Variants in MYO9B observed in about 807,000 individuals in gnomAD.
MYO9B encodes unconventional myosin-IXb.
MYO9B carries 71 observed loss-of-function variants against 229.5 expected under a neutral mutation model. The ratio of observed to expected loss-of-function variants is 0.31; its 90% CI spans 0.26 to 0.38. The LOEUF is 0.38. Among genes scored for constraint, MYO9B ranks in the 10% least tolerant of loss-of-function variants. MYO9B has a pLI of 1.00. For synonymous variants in MYO9B, 1,185 were observed against 1,235.8 expected, an observed-to-expected ratio of 0.96 and a Z score of 0.86; for missense variants, 2,255 against 2,920.5, an observed-to-expected ratio of 0.77 and a Z score of 5.25.
chr19:17,129,969 C>G (rs994335905), intron 2 of MYO9B, among the ~76,000 whole-genome samples: 1 of 152,106 alleles, frequency 6.6e-6, no homozygotes, highest in African/African-American at 2.4e-5. Flanking sequence ...GTGTGTACCA[C>G]CAGACCTGGT....
rs1339609681 is a variant in MYO9B at position 17,089,611 on chromosome 19, G to GT, written c.-58-12041dup. Reference sequence around the variant, plus strand: ...CCACTGACCCCCACCCCCAGGGCCTGTTTTTTTTCGTTGTCATGCCTTTCC... The same window carrying GT: ...CCACTGACCCCCACCCCCAGGGCCTGTTTTTTTTTCGTTGTCATGCCTTTCC... On this transcript the variant is annotated intron_variant, in intron 1 of 39. Transcript: ENST00000682292. 1.1e-4 allele frequency among the ~76,000 whole-genome samples: 16 copies of GT among 151,686 alleles called. 1 individual carries two copies. Among genetic ancestry groups the GT allele is most frequent in the Non-Finnish European group, 1.5e-5 (1 of 67,922 alleles).
In MYO9B at chr19:17,194,700, G is replaced by T; in HGVS notation, c.3273G>T (p.Ala1091=). Residue 1091 remains alanine (A), a synonymous_variant, in exon 22 of 40, where the codon GCG becomes GCT. Transcript: ENST00000682292. The stretch of plus-strand genomic sequence containing the variant: ...TAGCTGAGCAGGGGCCGGAGCCAGC[G>T]GAGGATGGCGGGCACCTGGCATCGG... ...QQVAEQGPEP[A]EDGGHLASEP... 6.2e-7 allele frequency: 1 copy of T among 1,612,904 alleles called. No homozygotes were observed. The highest frequency in any genetic ancestry group is 8.5e-7 in the Non-Finnish European group (1 of 1,179,882).
rs368346672 is a variant in MYO9B at position 17,194,704 on chromosome 19, G to A, written c.3277G>A (p.Asp1093Asn). Reference protein sequence around the residue: ...VAEQGPEPAEDGGHLASEPEV... With the variant: ...VAEQGPEPAENGGHLASEPEV... The stretch of plus-strand genomic sequence containing the variant: ...TGAGCAGGGGCCGGAGCCAGCGGAG[G>A]ATGGCGGGCACCTGGCATCGGAGCC... The change falls in exon 22 of 40, where the codon GAT becomes AAT. Residue 1093 changes from aspartate (D) to asparagine (N), a missense_variant. Coordinates refer to ENST00000682292, the MANE Select transcript of MYO9B (RefSeq NM_004145.4). 17 of 1,612,926 alleles carry A rather than the reference G, an allele frequency of 1.1e-5. No homozygotes were observed. Among genetic ancestry groups the A allele is most frequent in the Non-Finnish European group, 1.4e-5 (16 of 1,179,894 alleles).
At chr19:17,117,159 A>G (rs1245755625) in intron 2 of MYO9B, among the ~76,000 whole-genome samples, 1 of 152,034 alleles carries the variant, frequency 6.6e-6, no homozygotes, top group African/African-American at 2.4e-5. Context: ...GAGACAGGGG[A>G]CCCATCTGTC....
intron 2 of MYO9B, among the ~76,000 whole-genome samples, chr19:17,108,985 T>A (rs2057820340): frequency 6.6e-6 from 1 of 152,084 alleles, no homozygotes; most frequent in Admixed American, 6.5e-5. Flanking sequence ...AGTGCTGGGA[T>A]TATAGGCGTG....
In MYO9B at chr19:17,212,106, G is replaced by A. The variant is rs554461423; in HGVS notation, c.6270G>A (p.Ala2090=). 36 of 1,589,612 alleles carry A rather than the reference G, an allele frequency of 2.3e-5. No homozygotes were observed. The East Asian group carries it at 2.5e-4, about 11-fold the overall frequency. ...GCTGGGCACCGGGTGCCCGGGAGGC[G>A]GCTGCCCCAGTGCGGCGCCGGGAGC... ...LPRWAPGARE[A]AAPVRRREPP... Residue 2090 remains alanine, a synonymous_variant, in exon 40 of 40, where the codon GCG becomes GCA. Transcript: ENST00000682292. The surrounding 1 kb of genome is among the most constrained non-coding windows in gnomAD (Gnocchi z 5.4).
At chr19:17,103,016 A>G (rs2057760134) in intron 2 of MYO9B, among the ~76,000 whole-genome samples, 1 of 151,556 alleles carries the variant, frequency 6.6e-6, no homozygotes, top group African/African-American at 2.4e-5. Flanking sequence ...CAGGAATTCA[A>G]CATCAGCCTG....
chr19:17,197,923 G>A (rs956846835), intron 23 of MYO9B, 65 bp downstream of exon 23: 49 of 1,578,534 alleles, frequency 3.1e-5, no homozygotes, highest in East Asian at 9.0e-5. Context: ...GCGTGGTGGC[G>A]CTTGCCTGTA....
At chr19:17,171,347 G>A (rs1286368758) in intron 11 of MYO9B, among the ~76,000 whole-genome samples, 1 of 151,724 alleles carries the variant, frequency 6.6e-6, no homozygotes, top group Non-Finnish European at 1.5e-5. Flanking sequence ...CCCCCTCCCC[G>A]GAGCACAACA....
chr19:17,197,432 A>G (rs529440899), intron 22 of MYO9B, among the ~76,000 whole-genome samples: 4 of 150,954 alleles, frequency 2.6e-5, no homozygotes, highest in Non-Finnish European at 5.9e-5. Context: ...AGATAGATAG[A>G]TAGATAGATA....
At chr19:17,173,006 AG>A (rs34493081) in intron 13 of MYO9B, 43 bp downstream of exon 13, 12 of 1,583,098 alleles carry the variant, frequency 7.6e-6, no homozygotes, top group Admixed American at 3.4e-5. Flanking sequence ...CACTGTCGAG[AG>A]GGGGGCACAT....
chr19:17,203,313 A>G, intron 30 of MYO9B, 55 bp downstream of exon 30: 2 of 1,366,298 alleles, frequency 1.5e-6, no homozygotes, highest in South Asian at 1.3e-5. Flanking sequence ...ACCACCCCTC[A>G]CTGCTCAAGA....
intron 11 of MYO9B, among the ~76,000 whole-genome samples, chr19:17,168,383 C>G (rs887031286): frequency 6.6e-6 from 1 of 152,168 alleles, no homozygotes; most frequent in Non-Finnish European, 1.5e-5. Flanking sequence ...CCAGGCTGGT[C>G]TTGAACTCCT....
chr19:17,181,929 C>G (rs898436655), intron 15 of MYO9B, among the ~76,000 whole-genome samples: 2 of 152,076 alleles, frequency 1.3e-5, no homozygotes, highest in Non-Finnish European at 2.9e-5. Flanking sequence ...ACACCTGCCA[C>G]TACTTCCAGC....
In MYO9B at chr19:17,182,776, C is replaced by T. The variant is rs145154661; in HGVS notation, c.2334-1053C>T. 1.3e-3 allele frequency among the ~76,000 whole-genome samples: 199 copies of T among 152,190 alleles called. 1 individual carries two copies. Among genetic ancestry groups the T allele is most frequent in the African/African-American group, 4.6e-3 (192 of 41,538 alleles). ...ATCTACAAGTTACCATCTCCTTAGC[C>T]GGTCTTCAAAAGGCACCAGGCCTTT... is the stretch of plus-strand genomic sequence containing the variant. On this transcript the variant is annotated intron_variant, in intron 15 of 39. Coordinates refer to ENST00000682292, the MANE Select transcript of MYO9B (RefSeq NM_004145.4).
chr19:17,170,566 C>G (rs1348377166), intron 11 of MYO9B, among the ~76,000 whole-genome samples: 1 of 143,068 alleles, frequency 7.0e-6, no homozygotes, highest in Non-Finnish European at 1.5e-5. Context: ...AATTCCAACA[C>G]TTTGGGAGGC....
chr19:17,148,727 G>T (rs1225204257), intron 3 of MYO9B, among the ~76,000 whole-genome samples: 1 of 152,132 alleles, frequency 6.6e-6, no homozygotes, highest in East Asian at 1.9e-4. Context: ...GGGATTATAG[G>T]AATATGCCAC....
intron 2 of MYO9B, among the ~76,000 whole-genome samples, chr19:17,120,360 T>C (rs979720154): frequency 6.6e-6 from 1 of 152,130 alleles, no homozygotes; most frequent in African/African-American, 2.4e-5. Context: ...TAAAAAGGAA[T>C]GAAGGGCCAT....
chr19:17,132,530 T>A lies in MYO9B; in HGVS notation c.841-12867T>A, dbSNP rs1321613199. 5.9e-3 allele frequency among the ~76,000 whole-genome samples: 531 copies of A among 90,044 alleles called. 2 individuals carry two copies. Among genetic ancestry groups the A allele is most frequent in the South Asian group, 5.5e-3 (19 of 3,454 alleles). 59.1% of individuals were successfully genotyped at this position (90,044 alleles called of 152,430 possible). ...TTTATTTATTTATTATTATTATTTT[T>A]TTTTTTTTTTTTTTTTGAGACAGAG... On this transcript the variant is annotated intron_variant, in intron 2 of 39. Transcript: ENST00000682292.
Sources: gnomAD v4.1 joint callset for allele counts (sites outside exome capture counted in the v4.1 genomes callset) on GRCh38, gnomAD v4.1.1 for gene constraint, Gnocchi (gnomAD v3.1) non-coding constraint, MANE v1.5 for transcripts, NCBI Gene and HGNC (gene_info 2026-07-23, HGNC 2026-07-21) for gene names.